Variants in ROBO2 observed in about 807,000 individuals in gnomAD.
The protein encoded by ROBO2 is roundabout guidance receptor 2, also known as roundabout homolog 2.
In ROBO2, 53 loss-of-function variants were observed where a neutral mutation model predicts 160.8. The observed-to-expected ratio is 0.33, with a 90% CI of 0.26 to 0.41. The LOEUF (loss-of-function observed/expected upper bound fraction) is 0.41, where lower values mean the gene tolerates loss of function less well. ROBO2 is among the 10% of genes least tolerant of loss of function. The pLI is 1.00. For missense variants in ROBO2, 1,577 were observed against 1,722.4 expected (o/e 0.92, Z 1.49); for synonymous variants, 664 against 611.7 (o/e 1.09, Z -1.26).
chr3:76,600,341 T>C (rs1238643666), intron 2 of ROBO2, among the ~76,000 whole-genome samples: 1 of 152,206 alleles, frequency 6.6e-6, no homozygotes, highest in African/African-American at 2.4e-5. Context: ...TTAAACCTTC[T>C]ACATTAATGA....
chr3:76,584,021 A>G (rs2085869895), intron 2 of ROBO2, among the ~76,000 whole-genome samples: 1 of 152,128 alleles, frequency 6.6e-6, no homozygotes, highest in African/African-American at 2.4e-5. Context: ...GAATTTCCCA[A>G]GGCTGCCTTC....
rs544555363 is a variant in ROBO2, at chr3:77,319,060, A to G, written c.389-158354A>G. ...TTGATTAGTCTGTGCTCCTTACCCA[A>G]TATTACAATACCTGGAAAGTAATTA... On this transcript the variant is annotated intron_variant, in intron 2 of 25. Transcript: ENST00000461745. Among the ~76,000 whole-genome samples, 19 of 152,228 alleles carry G rather than the reference A, an allele frequency of 1.2e-4. 1 individual carries two copies. The South Asian group carries it at 3.9e-3, about 32-fold the overall frequency.
chr3:76,999,734 G>A (rs1245170539), intron 2 of ROBO2, among the ~76,000 whole-genome samples: 1 of 152,162 alleles, frequency 6.6e-6, no homozygotes, highest in Non-Finnish European at 1.5e-5. Flanking sequence ...TTTTTCAAGA[G>A]TTGTATGCTT....
At chr3:76,637,122 A>G (rs1284941617) in intron 2 of ROBO2, among the ~76,000 whole-genome samples, 1 of 152,124 alleles carries the variant, frequency 6.6e-6, no homozygotes, top group Non-Finnish European at 1.5e-5. Flanking sequence ...CTCCAGCCCA[A>G]CTTTGGAACC....
rs774788799 is a variant in ROBO2 at position 77,029,440 on chromosome 3, A to G, written c.110-68574A>G. On this transcript the variant is annotated intron_variant, in intron 2 of 26. Coordinates refer to the ROBO2 transcript ENST00000487694. ...TCTATTTTAAAACAGGAAAGCTGTA[A>G]AAAGATGAGCGTTAAGCCTCTCTAA... Among the ~76,000 whole-genome samples, 7 of 152,216 alleles carry G rather than the reference A, an allele frequency of 4.6e-5. No homozygotes were observed. The South Asian group carries it at 8.3e-4, about 18-fold the overall frequency.
At chr3:77,105,532 T>C (rs981130293) in intron 2 of ROBO2, among the ~76,000 whole-genome samples, 1 of 152,194 alleles carries the variant, frequency 6.6e-6, no homozygotes, top group Non-Finnish European at 1.5e-5. Flanking sequence ...CCTTTTAATT[T>C]TGCCATACTC....
intron 2 of ROBO2, among the ~76,000 whole-genome samples, chr3:76,847,152 G>A (rs973934302): frequency 6.6e-6 from 1 of 151,896 alleles, no homozygotes; most frequent in Non-Finnish European, 1.5e-5. Context: ...TAGAAGGTGA[G>A]GTGGCATAGC....
chr3:77,353,821 AG>A (rs201637923), intron 2 of ROBO2, among the ~76,000 whole-genome samples: 4,520 of 151,866 alleles, frequency 0.03, 235 homozygotes, highest in African/African-American at 0.099. Flanking sequence ...GGGAACCTTT[AG>A]AAAAAAAATT....
chr3:76,804,663 A>C (rs1172376075), intron 2 of ROBO2, among the ~76,000 whole-genome samples: 2 of 152,212 alleles, frequency 1.3e-5, no homozygotes, highest in Non-Finnish European at 2.9e-5. Flanking sequence ...AGATTTCTTA[A>C]TATATCATCT....
intron 2 of ROBO2, among the ~76,000 whole-genome samples, chr3:75,996,181 A>G (rs926938745): frequency 4.6e-5 from 7 of 152,196 alleles, no homozygotes; most frequent in Non-Finnish European, 1.0e-4. Context: ...GCAGAATGAT[A>G]TGGTTTGTCT....
intron 2 of ROBO2, among the ~76,000 whole-genome samples, chr3:76,880,358 A>C (rs2073207637): frequency 6.6e-6 from 1 of 152,130 alleles, no homozygotes; most frequent in Admixed American, 6.5e-5. Context: ...CATACATATA[A>C]AATAAAGATT....
intron 1 of ROBO2, among the ~76,000 whole-genome samples, chr3:75,927,296 G>A (rs1947328540): frequency 6.6e-6 from 1 of 152,176 alleles, no homozygotes; most frequent in African/African-American, 2.4e-5. Flanking sequence ...CATTCTTGAA[G>A]TTAGGAATAA....
At chr3:77,379,022 G>A (rs1056016060) in intron 2 of ROBO2, among the ~76,000 whole-genome samples, 8 of 150,848 alleles carry the variant, frequency 5.3e-5, no homozygotes, top group South Asian at 2.1e-4. Context: ...ATCTCGGCTC[G>A]CTGCAACCTC....
chr3:77,634,740 C>T (rs2095233597), intron 23 of ROBO2, 130 bp from the exon 25 acceptor site: 5 of 895,026 alleles, frequency 5.6e-6, no homozygotes, highest in South Asian at 2.7e-5. Context: ...CAGAGATGCA[C>T]CAATATTTGG....
chr3:76,209,570 G>A (rs1367789384), intron 2 of ROBO2, among the ~76,000 whole-genome samples: 3 of 152,204 alleles, frequency 2.0e-5, no homozygotes, highest in South Asian at 2.1e-4. Flanking sequence ...CTTCATAGGC[G>A]GGGCAAGACT....
At chr3:76,710,975 A>G (rs567195159) in intron 2 of ROBO2, among the ~76,000 whole-genome samples, 1 of 152,328 alleles carries the variant, frequency 6.6e-6, no homozygotes, top group South Asian at 2.1e-4. Flanking sequence ...TTGGGCTTTC[A>G]AAATTATAGA....
intron 2 of ROBO2, among the ~76,000 whole-genome samples, chr3:77,125,761 G>GTA (rs1273549852): frequency 5.3e-5 from 8 of 152,086 alleles, no homozygotes; most frequent in South Asian, 2.1e-4. Flanking sequence ...TAAAGTTGTT[G>GTA]TATATATATA....
At chr3:77,634,472 T>C (rs934505378) in intron 23 of ROBO2, 1 of 191,532 alleles carries the variant, frequency 5.2e-6, no homozygotes, top group Non-Finnish European at 1.1e-5. Flanking sequence ...ATTAAACAAA[T>C]ACAACAGTAT....
At chr3:76,051,976 A>G (rs756225360) in intron 2 of ROBO2, among the ~76,000 whole-genome samples, 3 of 152,090 alleles carry the variant, frequency 2.0e-5, no homozygotes, top group Non-Finnish European at 4.4e-5. Flanking sequence ...GAAAATATTT[A>G]TGGAAAAGCT....
Sources: gnomAD v4.1 joint callset for allele counts (sites outside exome capture counted in the v4.1 genomes callset) on GRCh38, gnomAD v4.1.1 for gene constraint, MANE v1.5 for transcripts, NCBI Gene and HGNC (gene_info 2026-07-23, HGNC 2026-07-21) for gene names.